The following EML6 variants were observed in gnomAD, a reference collection of about 807,000 sequenced individuals.
EML6 encodes EMAP like 6.
A neutral mutation model predicts 240.1 loss-of-function variants in EML6; 154 were observed. The ratio of observed to expected loss-of-function variants is 0.64; its 90% CI spans 0.56 to 0.73. The LOEUF is 0.73. EML6 is among the 30% of genes least tolerant of loss of function. The pLI is 0.00. For missense variants in EML6, 2,964 were observed against 2,474.6 expected, an observed-to-expected ratio of 1.20 and a Z score of -4.20; for synonymous variants, 1,148 against 899.0, an observed-to-expected ratio of 1.28 and a Z score of -4.95.
At chr2:54,828,029 A>G (rs1314616958) in intron 6 of EML6, among the ~76,000 whole-genome samples, 1 of 152,226 alleles carries the variant, frequency 6.6e-6, no homozygotes, top group Non-Finnish European at 1.5e-5. Context: ...GATTCATCTT[A>G]TAGGCACTTC....
chr2:54,949,474 T>A (rs899468696), intron 29 of EML6, among the ~76,000 whole-genome samples: 3 of 152,136 alleles, frequency 2.0e-5, no homozygotes, highest in Admixed American at 1.3e-4. Context: ...GAGGGAGTTA[T>A]CAGGTCCCAA....
At chr2:54,963,907 C>G (rs1676635581) in intron 36 of EML6, 79 bp from the exon 37 acceptor site, 22 of 1,386,226 alleles carry the variant, frequency 1.6e-5, no homozygotes, top group South Asian at 4.5e-5. Flanking sequence ...CCTGACTTCT[C>G]TGGCCTGGTG....
At chr2:54,846,093 A>G (rs941115214) in intron 8 of EML6, among the ~76,000 whole-genome samples, 5 of 152,056 alleles carry the variant, frequency 3.3e-5, no homozygotes, top group African/African-American at 9.7e-5. Context: ...TTGAGCTGCA[A>G]TTGCCCCTCG....
Position 54,783,664 on chromosome 2 carries a change from C to G in EML6, c.198-29568C>G, listed in dbSNP as rs368807585. On this transcript the variant is annotated intron_variant, in intron 2 of 41. Transcript: ENST00000356458. The stretch of plus-strand genomic sequence containing the variant: ...GAAACGACTGTGATGATTATATTCA[C>G]TGAAATGTTTTTGAGGCTTGATTTT... Among the ~76,000 whole-genome samples, 564 of 152,230 alleles carry G rather than the reference C, an allele frequency of 3.7e-3. 2 individuals are homozygous for G. The highest frequency in any genetic ancestry group is 0.01 in the Middle Eastern group (3 of 294).
intron 2 of EML6, among the ~76,000 whole-genome samples, chr2:54,729,582 C>T (rs1683065437): frequency 1.3e-5 from 2 of 152,110 alleles, no homozygotes; most frequent in South Asian, 4.2e-4. Flanking sequence ...GAGGATCTTG[C>T]CTGTTGTCAC....
At position 54,850,302 on chromosome 2, in the gene EML6, C is replaced by G. The variant is rs939406654; in HGVS notation, c.1444+84C>G. On this transcript the variant is annotated intron_variant, in intron 10 of 41. Transcript: ENST00000356458. ...GAAATACAGGACAAGTGTCATGGCTCTTTTAGAATTTGTACAGCAGGTTTT... is the reference window on the plus strand; with the variant it reads ...GAAATACAGGACAAGTGTCATGGCTGTTTTAGAATTTGTACAGCAGGTTTT... 50 of 1,275,990 alleles carry G rather than the reference C, an allele frequency of 3.9e-5. No homozygotes were observed. In the African/African-American group the frequency reaches 6.8e-4, roughly 17 times the overall value. 79.0% of individuals were successfully genotyped at this position (1,275,990 alleles called of 1,614,324 possible).
intron 24 of EML6, among the ~76,000 whole-genome samples, chr2:54,904,246 C>T (rs544989164): frequency 9.2e-5 from 14 of 152,186 alleles, no homozygotes; most frequent in East Asian, 3.9e-4. Context: ...GCAGGGACTC[C>T]GAATGGGCCA....
At position 54,970,490 on chromosome 2, in the gene EML6, T is replaced by G. The variant is rs377197845; in HGVS notation, c.*395T>G. The G allele has an allele frequency of 1.1e-4, 23 of 210,104 alleles. No homozygotes were observed. The East Asian group carries it at 1.8e-3, about 17-fold the overall frequency. The allele number at this position is 210,104 out of a possible 1,614,324, so 13.0% of individuals were successfully genotyped here. On this transcript the variant is annotated 3_prime_UTR_variant, in exon 42 of 42. Transcript: ENST00000356458. ...TACAAAGATGTTTTGCTATTGTTTCTATATACTTCAAGAATGTTCATTTTT... is the reference window on the plus strand; with the variant it reads ...TACAAAGATGTTTTGCTATTGTTTCGATATACTTCAAGAATGTTCATTTTT...
intron 2 of EML6, among the ~76,000 whole-genome samples, chr2:54,805,098 C>A (rs1326600802): frequency 6.6e-6 from 1 of 152,176 alleles, no homozygotes; most frequent in African/African-American, 2.4e-5. Context: ...AGAGTTCTTT[C>A]ACTCAATGTA....
intron 22 of EML6, among the ~76,000 whole-genome samples, chr2:54,900,703 C>T (rs538646562): frequency 1.4e-3 from 217 of 152,336 alleles, no homozygotes; most frequent in African/African-American, 5.0e-3. Flanking sequence ...CCAGTGCTCC[C>T]CGTTGGCCAA....
At chr2:54,893,738 T>A (rs1473595633) in intron 19 of EML6, among the ~76,000 whole-genome samples, 4 of 152,334 alleles carry the variant, frequency 2.6e-5, no homozygotes, top group Non-Finnish European at 5.9e-5. Context: ...CATGTCTCAA[T>A]TTTCTTTTAC....
intron 19 of EML6, among the ~76,000 whole-genome samples, chr2:54,893,658 C>T (rs1481996768): frequency 6.6e-6 from 1 of 152,156 alleles, no homozygotes; most frequent in East Asian, 1.9e-4. Context: ...CAGTTATTTC[C>T]AGGTTGCTGG....
At chr2:54,938,638 C>T (rs1351396058) in intron 28 of EML6, among the ~76,000 whole-genome samples, 1 of 152,208 alleles carries the variant, frequency 6.6e-6, no homozygotes, top group African/African-American at 2.4e-5. Flanking sequence ...TTGACACGTC[C>T]ACTATGGGAA....
chr2:54,959,351 G>A (rs553222119), intron 34 of EML6, 90 bp downstream of exon 34: 2 of 1,262,504 alleles, frequency 1.6e-6, no homozygotes, highest in East Asian at 5.2e-5. Flanking sequence ...AGAAAATGCA[G>A]ACTGTCATCC....
intron 17 of EML6, chr2:54,879,875 C>T: frequency 3.9e-6 from 2 of 511,246 alleles, no homozygotes; most frequent in Middle Eastern, 5.1e-4. Context: ...GAGAGTCATT[C>T]ACCGCTTCAT....
At chr2:54,848,387 C>G (rs534097230) in intron 9 of EML6, among the ~76,000 whole-genome samples, 1 of 152,166 alleles carries the variant, frequency 6.6e-6, no homozygotes, top group Non-Finnish European at 1.5e-5. Flanking sequence ...CAGTTTATTA[C>G]ACTACATTCT....
At chr2:54,794,261 G>A (rs1669633240) in intron 2 of EML6, among the ~76,000 whole-genome samples, 1 of 152,162 alleles carries the variant, frequency 6.6e-6, no homozygotes, top group African/African-American at 2.4e-5. Context: ...ACACTCAGCT[G>A]CCTATTCATC....
intron 15 of EML6, among the ~76,000 whole-genome samples, chr2:54,869,899 C>G (rs1391277550): frequency 6.6e-6 from 1 of 151,956 alleles, no homozygotes; most frequent in Non-Finnish European, 1.5e-5. Flanking sequence ...AAACAGGGAC[C>G]CTCTACAATC....
chr2:54,821,638 C>T (rs1042329085), intron 5 of EML6, among the ~76,000 whole-genome samples: 2 of 151,778 alleles, frequency 1.3e-5, no homozygotes, highest in Non-Finnish European at 2.9e-5. Flanking sequence ...TTTACTAAAG[C>T]ATAATAGAAT....
Sources: allele counts gnomAD v4.1 joint callset (sites outside exome capture counted in the v4.1 genomes callset), GRCh38; gene constraint gnomAD v4.1.1; transcripts MANE v1.5; gene names NCBI Gene and HGNC (gene_info 2026-07-23, HGNC 2026-07-21).